ABCG2: variants seen among roughly 807,000 people sequenced by gnomAD.
ABCG2 encodes ATP binding cassette subfamily G member 2 (JR blood group), also known as broad substrate specificity ATP-binding cassette transporter ABCG2.
Under a neutral mutation model 73.5 loss-of-function variants are expected in ABCG2, and 80 were observed. The observed-to-expected ratio is 1.09, with a 90% CI of 0.91 to 1.31. ABCG2 has a LOEUF of 1.31. ABCG2 is among the 50% of genes most tolerant of loss of function. ABCG2 has a pLI of 0.00. For missense variants in ABCG2, 796 were observed against 786.2 expected, an observed-to-expected ratio of 1.01 and a Z score of -0.15; for synonymous variants, 269 against 282.4, an observed-to-expected ratio of 0.95 and a Z score of 0.48.
chr4:88,092,035 C>A lies in ABCG2; in HGVS notation c.*199G>T. 4.0e-6 allele frequency: 2 copies of A among 502,440 alleles called. No individual in the cohort carries two copies. Among genetic ancestry groups the A allele is most frequent in the Non-Finnish European group, 7.0e-6 (2 of 287,026 alleles). 31.1% of individuals were successfully genotyped at this position (502,440 alleles called of 1,614,324 possible). A position where few individuals can be genotyped will look rare whatever the true frequency, so the allele number is the denominator to read the frequency against. On this transcript the variant is annotated 3_prime_UTR_variant, in exon 16 of 16. Transcript: ENST00000237612. The stretch of plus-strand genomic sequence containing the variant: ...CTGTCTGAGGAGATTAACTAATATG[C>A]GATACATGATGTCTTGGGTTCTTTC...
In ABCG2 at chr4:88,145,114, C is replaced by T. The variant is rs533689566; in HGVS notation, c.-19-5100G>A. Among the ~76,000 whole-genome samples, 5 of 151,910 alleles carry T rather than the reference C, an allele frequency of 3.3e-5. No homozygotes were observed. The South Asian group carries it at 1.0e-3, about 32-fold the overall frequency. ...CTTCCTTTTTTTTTTCCTAGGATGACGCTAGTATATGGAGTTGCACTCTAC... is the reference window on the plus strand; with the variant it reads ...CTTCCTTTTTTTTTTCCTAGGATGATGCTAGTATATGGAGTTGCACTCTAC... On this transcript the variant is annotated intron_variant, in intron 1 of 15. Transcript: ENST00000237612.
At chr4:88,198,226 G>A (rs187463120) in intron 1 of ABCG2, among the ~76,000 whole-genome samples, 4 of 151,956 alleles carry the variant, frequency 2.6e-5, no homozygotes, top group African/African-American at 7.3e-5. Context: ...CCAGCTACTC[G>A]GGAGGCTGAG....
chr4:88,193,207 G>A (rs569095750), intron 1 of ABCG2, among the ~76,000 whole-genome samples: 1 of 152,010 alleles, frequency 6.6e-6, no homozygotes, highest in Non-Finnish European at 1.5e-5. Context: ...TGGTATCTCA[G>A]AATAAATCTT....
chr4:88,098,400 A>C (rs907905837), intron 12 of ABCG2, among the ~76,000 whole-genome samples: 3 of 151,964 alleles, frequency 2.0e-5, no homozygotes, highest in African/African-American at 7.3e-5. Context: ...GTGAAGCCTG[A>C]GCATAATGCA....
chr4:88,204,144 G>T (rs887295473), intron 1 of ABCG2, among the ~76,000 whole-genome samples: 1 of 152,116 alleles, frequency 6.6e-6, no homozygotes, highest in Admixed American at 6.6e-5. Context: ...CAAGCCGGCC[G>T]GGCTTGGTGG....
intron 6 of ABCG2, among the ~76,000 whole-genome samples, chr4:88,120,006 C>T (rs1723856414): frequency 1.3e-5 from 2 of 152,184 alleles, no homozygotes. Flanking sequence ...ACAGCAGCTC[C>T]TCCCATCACA....
upstream of ABCG2, among the ~76,000 whole-genome samples, chr4:88,159,534 C>T (rs45520431): frequency 3.2e-3 from 490 of 151,710 alleles, 6 homozygotes; most frequent in African/African-American, 0.011. Flanking sequence ...AAAGTGATTG[C>T]GCATGTTCAG....
intron 1 of ABCG2, among the ~76,000 whole-genome samples, chr4:88,222,300 G>C (rs1029618698): frequency 2.6e-5 from 4 of 152,240 alleles, no homozygotes. Context: ...TTCTGGGACA[G>C]AGCCTTCATG....
At chr4:88,153,565 T>C (rs1329939567) in intron 1 of ABCG2, among the ~76,000 whole-genome samples, 1 of 149,638 alleles carries the variant, frequency 6.7e-6, no homozygotes, top group Admixed American at 6.8e-5. Flanking sequence ...AATGTTTCAC[T>C]GAATACCAAG....
At position 88,125,624 on chromosome 4, in the gene ABCG2, A is replaced by C. The variant is rs1445331279; in HGVS notation, c.532-3832T>G. ...CTCTGTCTCAAAAAAAAAAAAAAAA[A>C]AAAAAAAAAAAACTGTAGAACTACA... On this transcript the variant is annotated intron_variant, in intron 5 of 15. Coordinates refer to ENST00000237612, the MANE Select transcript of ABCG2 (RefSeq NM_004827.3). Among the ~76,000 whole-genome samples the C allele has an allele frequency of 1.2e-4, 18 of 149,748 alleles. 1 individual carries two copies. In the East Asian group the frequency reaches 2.3e-3, roughly 19 times the overall value.
chr4:88,217,791 T>C (rs1050709931), intron 1 of ABCG2, among the ~76,000 whole-genome samples: 3 of 151,890 alleles, frequency 2.0e-5, no homozygotes, highest in South Asian at 4.2e-4. Flanking sequence ...CTGGGCAACA[T>C]AGACCCAGAC....
intron 1 of ABCG2, among the ~76,000 whole-genome samples, chr4:88,227,439 G>C (rs1730266851): frequency 6.6e-6 from 1 of 152,052 alleles, no homozygotes; most frequent in Non-Finnish European, 1.5e-5. Context: ...ATATACAAAA[G>C]TACACTAATA....
Position 88,092,359 on chromosome 4 carries a change from C to A in ABCG2, c.1843G>T (p.Val615Leu). Residue 615 changes from valine (V) to leucine (L), a missense_variant, in exon 16 of 16, where the codon GTA becomes TTA. Val to Leu is a conservative substitution (Grantham distance 32). Transcript: ENST00000237612. ...GGTGAGAGATCGATGCCCTGCTTTA[C>A]CAAATATTCTTCGCCAGTACATCTG... Reference protein sequence around the residue: ...YATCTGEEYLVKQGIDLSPWG... With the variant: ...YATCTGEEYLLKQGIDLSPWG... The A allele has an allele frequency of 1.2e-6, 2 of 1,611,094 alleles. No individual in the cohort carries two copies. Among genetic ancestry groups the A allele is most frequent in the Non-Finnish European group, 1.7e-6 (2 of 1,179,344 alleles).
chr4:88,116,075 A>G (rs1723560191), intron 7 of ABCG2, among the ~76,000 whole-genome samples: 1 of 152,130 alleles, frequency 6.6e-6, no homozygotes, highest in Non-Finnish European at 1.5e-5. Context: ...TATGACTATA[A>G]TCCCAGCTAC....
At chr4:88,139,177 G>A (rs1160841352) in intron 2 of ABCG2, among the ~76,000 whole-genome samples, 2 of 151,058 alleles carry the variant, frequency 1.3e-5, no homozygotes, top group Non-Finnish European at 2.9e-5. Context: ...TTGAGCAGAC[G>A]AGACTTCTAG....
intron 1 of ABCG2, among the ~76,000 whole-genome samples, chr4:88,186,874 C>G (rs1209001743): frequency 3.3e-4 from 45 of 137,130 alleles, no homozygotes; most frequent in Non-Finnish European, 5.6e-4. Context: ...AGCCGAGATC[C>G]CGCCACTGCA....
intron 14 of ABCG2, 93 bp downstream of exon 14, chr4:88,095,427 C>T: frequency 8.6e-7 from 1 of 1,167,264 alleles, no homozygotes; most frequent in East Asian, 2.4e-5. Context: ...GAGACTTTCA[C>T]AGCTCATGGT....
At chr4:88,211,358 G>GCCC (rs1264405228) in intron 1 of ABCG2, among the ~76,000 whole-genome samples, 438 of 33,534 alleles carry the variant, frequency 0.013, 23 homozygotes, top group Middle Eastern at 0.04. Context: ...TTCAACCCCT[G>GCCC]CCCCACCCCC....
At chr4:88,178,571 G>T (rs143866784) in intron 1 of ABCG2, among the ~76,000 whole-genome samples, 1 of 152,170 alleles carries the variant, frequency 6.6e-6, no homozygotes, top group Non-Finnish European at 1.5e-5. Context: ...GTCTTGCAGC[G>T]TAGGTACCAG....
Sources: gnomAD v4.1 joint callset for allele counts (sites outside exome capture counted in the v4.1 genomes callset) on GRCh38, gnomAD v4.1.1 for gene constraint, MANE v1.5 for transcripts, NCBI Gene and HGNC (gene_info 2026-07-23, HGNC 2026-07-21) for gene names.